Variants in SOBP observed in about 807,000 individuals in gnomAD.
SOBP encodes sine oculis-binding protein homolog.
SOBP carries 4 observed loss-of-function variants against 53.6 expected under a neutral mutation model. That is an observed-to-expected ratio of 0.07 (90% CI 0.04 to 0.17). SOBP has a LOEUF of 0.17. SOBP is among the 10% of genes least tolerant of loss of function. The probability of loss-of-function intolerance (pLI) is 1.00; values close to 1 mark genes in which losing one functional copy is unlikely to be tolerated. For missense variants in SOBP, 1,088 were observed against 1,204.7 expected, an observed-to-expected ratio of 0.90 and a Z score of 1.43; for synonymous variants, 584 against 522.6, an observed-to-expected ratio of 1.12 and a Z score of -1.60.
chr6:107,512,451 C>T (rs1461241058), intron 3 of SOBP, among the ~76,000 whole-genome samples: 1 of 152,170 alleles, frequency 6.6e-6, no homozygotes, highest in Non-Finnish European at 1.5e-5. Context: ...ATTTGGTTCC[C>T]TCCAAGTTTG....
chr6:107,509,919 C>A (rs1783118691), intron 3 of SOBP: 1 of 152,174 alleles, frequency 6.6e-6, no homozygotes, highest in South Asian at 2.1e-4. Flanking sequence ...TCTCCGCTCC[C>A]AACTTTGACT....
intron 5 of SOBP, among the ~76,000 whole-genome samples, chr6:107,623,017 T>C (rs1770251088): frequency 6.6e-6 from 1 of 152,188 alleles, no homozygotes; most frequent in Non-Finnish European, 1.5e-5. Context: ...ATCTGATTAA[T>C]CTAGGGTAGA....
intron 5 of SOBP, among the ~76,000 whole-genome samples, chr6:107,602,226 AT>A (rs1786206819): frequency 6.6e-6 from 1 of 152,240 alleles, no homozygotes; most frequent in Non-Finnish European, 1.5e-5. Flanking sequence ...AAAAGATTTG[AT>A]CTGCAATTAT....
chr6:107,571,294 G>C (rs1785066570), intron 4 of SOBP, among the ~76,000 whole-genome samples: 1 of 152,194 alleles, frequency 6.6e-6, no homozygotes, highest in African/African-American at 2.4e-5. Context: ...GGAAATGGTA[G>C]GGATGATGTT....
At chr6:107,518,378 A>C (rs190542809) in intron 3 of SOBP, among the ~76,000 whole-genome samples, 53 of 152,338 alleles carry the variant, frequency 3.5e-4, no homozygotes, top group African/African-American at 1.2e-3. Context: ...TGGGACTCTC[A>C]TGCATAGCTG....
intron 5 of SOBP, among the ~76,000 whole-genome samples, chr6:107,605,789 C>T (rs1448460844): frequency 1.3e-5 from 2 of 152,218 alleles, no homozygotes; most frequent in Non-Finnish European, 2.9e-5. Flanking sequence ...CACCCACCGG[C>T]AGCGGGGACA....
rs778659959 is a variant in SOBP, at chr6:107,634,025, C to T, written c.1181C>T (p.Pro394Leu). 1 of 1,611,698 alleles carries T rather than the reference C, an allele frequency of 6.2e-7. No individual in the cohort carries two copies. Among genetic ancestry groups the T allele is most frequent in the Admixed American group, 1.7e-5 (1 of 59,934 alleles). The change falls in exon 6 of 7, where the codon CCG (proline) becomes CTG (leucine). Residue 394 changes from proline to leucine, a missense_variant. Physicochemically the swap from Pro to Leu is moderately conservative, Grantham distance 98. Coordinates refer to ENST00000317357, the MANE Select transcript of SOBP (RefSeq NM_018013.4). The surrounding 1 kb of genome is among the most constrained non-coding windows in gnomAD (Gnocchi z 4.5). ...GTGATGACCAACCGCGGCCCGGTGC[C>T]GCTGCCCATCTTCATGGAGCAGCAG... The part of the protein sequence containing the change: ...PMVMTNRGPV[P>L]LPIFMEQQIM...
At chr6:107,632,341 G>GA (rs1180166629) in intron 5 of SOBP, among the ~76,000 whole-genome samples, 1 of 150,546 alleles carries the variant, frequency 6.6e-6, no homozygotes, top group Non-Finnish European at 1.5e-5. Flanking sequence ...CAAAAAAAAG[G>GA]AAAAAAAGAA....
At chr6:107,553,064 C>G (rs1284350968) in intron 4 of SOBP, among the ~76,000 whole-genome samples, 1 of 151,916 alleles carries the variant, frequency 6.6e-6, no homozygotes, top group African/African-American at 2.4e-5. Flanking sequence ...TTCATGTAAC[C>G]AAACACCACC....
At chr6:107,643,564 G>A (rs543652117) in intron 6 of SOBP, among the ~76,000 whole-genome samples, 251 of 151,978 alleles carry the variant, frequency 1.7e-3, no homozygotes, top group Non-Finnish European at 2.2e-3. Flanking sequence ...TTACAGGCGC[G>A]CACCACCATG....
At chr6:107,612,755 C>T (rs1311028516) in intron 5 of SOBP, among the ~76,000 whole-genome samples, 2 of 152,146 alleles carry the variant, frequency 1.3e-5, no homozygotes, top group Non-Finnish European at 2.9e-5. Flanking sequence ...TTCCTCACTC[C>T]CTCCAATCCC....
At chr6:107,509,667 T>G (rs1783108838) in intron 3 of SOBP, 1 of 152,152 alleles carries the variant, frequency 6.6e-6, no homozygotes, top group South Asian at 2.1e-4. Flanking sequence ...GCCAGCCACG[T>G]GGAATTCAAG....
intron 5 of SOBP, among the ~76,000 whole-genome samples, chr6:107,606,952 C>T (rs529376636): frequency 1.3e-5 from 2 of 152,314 alleles, no homozygotes; most frequent in African/African-American, 4.8e-5. Flanking sequence ...GCCTGGTAGA[C>T]TCCTTGGCCT....
chr6:107,577,094 ATTCATC>A (rs1785247574), intron 4 of SOBP, among the ~76,000 whole-genome samples: 1 of 152,148 alleles, frequency 6.6e-6, no homozygotes, highest in Non-Finnish European at 1.5e-5. Context: ...ATGTGCACTG[ATTCATC>A]TGCATCCTTT....
intron 6 of SOBP, among the ~76,000 whole-genome samples, chr6:107,653,171 C>A (rs534411263): frequency 6.6e-6 from 1 of 152,316 alleles, no homozygotes; most frequent in Non-Finnish European, 1.5e-5. Flanking sequence ...CTTCATGAAG[C>A]AATGGTTGAT....
At chr6:107,580,993 G>T (rs903843310) in intron 4 of SOBP, among the ~76,000 whole-genome samples, 1 of 152,206 alleles carries the variant, frequency 6.6e-6, no homozygotes, top group African/African-American at 2.4e-5. Flanking sequence ...TAGCGTTAAA[G>T]GATAGAAACC....
Position 107,574,179 on chromosome 6 carries a change from A to G in SOBP, c.574-12901A>G, listed in dbSNP as rs74791130. On this transcript the variant is annotated intron_variant, in intron 4 of 6. Transcript: ENST00000317357. ...TTTAACTCAAAGGCAAAAGTCTTTC[A>G]TCCCTTAAGACAAAGAAATGACTGA... 1.1e-3 allele frequency among the ~76,000 whole-genome samples: 166 copies of G among 152,346 alleles called. 1 individual carries two copies. The highest frequency in any genetic ancestry group is 3.9e-3 in the African/African-American group (161 of 41,582).
chr6:107,602,945 T>C (rs1401014028), intron 5 of SOBP, among the ~76,000 whole-genome samples: 1 of 148,712 alleles, frequency 6.7e-6, no homozygotes, highest in Non-Finnish European at 1.5e-5. Flanking sequence ...AAAGTGATTC[T>C]TCTCCCCTTG....
chr6:107,553,294 A>ATT (rs1247173685), intron 4 of SOBP, among the ~76,000 whole-genome samples: 8 of 138,058 alleles, frequency 5.8e-5, no homozygotes, highest in East Asian at 4.6e-4. Flanking sequence ...CGGGCTTATT[A>ATT]TTATTTTATT....
Sources: gnomAD v4.1 joint callset for allele counts (sites outside exome capture counted in the v4.1 genomes callset) on GRCh38, gnomAD v4.1.1 for gene constraint, Gnocchi (gnomAD v3.1) non-coding constraint, MANE v1.5 for transcripts, NCBI Gene and HGNC (gene_info 2026-07-23, HGNC 2026-07-21) for gene names.